PUM3: variants seen among roughly 807,000 people sequenced by gnomAD.
The protein encoded by PUM3 is pumilio RNA binding family member 3, also known as pumilio homolog 3.
A neutral mutation model predicts 84.0 loss-of-function variants in PUM3; 91 were observed. The ratio of observed to expected loss-of-function variants is 1.08; its 90% CI spans 0.91 to 1.29. PUM3 has a LOEUF of 1.29. PUM3 is among the 50% of genes most tolerant of loss of function. The pLI is 0.00. For synonymous variants in PUM3, 321 were observed against 266.7 expected (o/e 1.20, Z -1.98); for missense variants, 1,067 against 767.5 (o/e 1.39, Z -4.61).
intron 13 of PUM3, among the ~76,000 whole-genome samples, chr9:2,812,982 T>G (rs1821402640): frequency 6.6e-6 from 1 of 152,192 alleles, no homozygotes; most frequent in African/African-American, 2.4e-5. Context: ...ATAAAGAAAC[T>G]CTGTTAAATC....
chr9:2,832,440 C>T (rs1377974776), intron 5 of PUM3, among the ~76,000 whole-genome samples: 1 of 152,114 alleles, frequency 6.6e-6, no homozygotes, highest in Non-Finnish European at 1.5e-5. Context: ...GTAAACGACA[C>T]AATGCATGTG....
At chr9:2,814,865 T>C (rs898854084) in intron 13 of PUM3, among the ~76,000 whole-genome samples, 3 of 152,208 alleles carry the variant, frequency 2.0e-5, no homozygotes, top group African/African-American at 7.2e-5. Flanking sequence ...ATGGCTACTC[T>C]ACACTTTTAG....
In PUM3 at chr9:2,838,407, C is replaced by T. The variant is rs757145705; in HGVS notation, c.82+19G>A. ...CCCAATTATAACAGCCAAACACCCA[C>T]ATGGGAAGCATATCTTACCACTATT... On this transcript the variant is annotated intron_variant, in intron 2 of 17. Transcript: ENST00000397885. 49 of 1,549,416 alleles carry T rather than the reference C, an allele frequency of 3.2e-5. No homozygotes were observed. Among genetic ancestry groups the T allele is most frequent in the Admixed American group, 1.0e-4 (6 of 59,872 alleles).
rs41272899 is a variant in PUM3, at chr9:2,844,056, G to T, written c.-22C>A. 1,197 of 157,506 alleles carry T rather than the reference G, an allele frequency of 7.6e-3. 9 individuals are homozygous for T. The highest frequency in any genetic ancestry group is 0.02 in the Middle Eastern group (6 of 302). 9.8% of individuals were successfully genotyped at this position (157,506 alleles called of 1,614,324 possible). A position where few individuals can be genotyped will look rare whatever the true frequency, so the allele number is the denominator to read the frequency against. Reference sequence around the variant, plus strand: ...CCTGCCACACTCACCGCACACGTGGGACCGAGACAGCTCGCGCAGCGGATC... The same window carrying T: ...CCTGCCACACTCACCGCACACGTGGTACCGAGACAGCTCGCGCAGCGGATC... On this transcript the variant is annotated 5_prime_UTR_variant, in exon 1 of 18. Transcript: ENST00000397885.
At chr9:2,825,414 T>A (rs779508732) in intron 10 of PUM3, among the ~76,000 whole-genome samples, 3 of 152,174 alleles carry the variant, frequency 2.0e-5, no homozygotes, top group Non-Finnish European at 2.9e-5. Context: ...AACATTTAAT[T>A]TCTCACTAGG....
intron 15 of PUM3, 43 bp from the exon 16 acceptor site, chr9:2,810,474 T>C (rs1821343592): frequency 5.2e-6 from 7 of 1,339,464 alleles, no homozygotes; most frequent in South Asian, 1.2e-5. Context: ...GTTGTTTTCA[T>C]TCATACAAAT....
chr9:2,832,462 A>C (rs1199517878), intron 5 of PUM3, among the ~76,000 whole-genome samples: 1 of 152,168 alleles, frequency 6.6e-6, no homozygotes, highest in Non-Finnish European at 1.5e-5. Context: ...TGGTTAACAC[A>C]ATTCCTAGCC....
intron 15 of PUM3, among the ~76,000 whole-genome samples, chr9:2,810,703 A>C (rs1444852267): frequency 6.6e-6 from 1 of 152,230 alleles, no homozygotes; most frequent in African/African-American, 2.4e-5. Flanking sequence ...TGCTCTGAAC[A>C]GTAGCAGCAC....
chr9:2,818,034 A>T (rs935524797), intron 13 of PUM3, among the ~76,000 whole-genome samples: 3 of 152,222 alleles, frequency 2.0e-5, no homozygotes, highest in Non-Finnish European at 4.4e-5. Flanking sequence ...AGCTCAGCTG[A>T]CCAGGCTGTG....
chr9:2,842,748 C>T (rs1460007121), intron 1 of PUM3, among the ~76,000 whole-genome samples: 2 of 152,112 alleles, frequency 1.3e-5, no homozygotes, highest in Admixed American at 6.5e-5. Flanking sequence ...TATCTGATAC[C>T]TCTAATTATG....
At chr9:2,831,401 AATTT>A in intron 5 of PUM3, 57 bp from the exon 6 acceptor site, 1 of 1,102,262 alleles carries the variant, frequency 9.1e-7, no homozygotes, top group South Asian at 1.3e-5. Flanking sequence ...GTTTCTCACT[AATTT>A]ATTGTGACCT....
intron 9 of PUM3, among the ~76,000 whole-genome samples, chr9:2,827,621 C>T (rs1815858932): frequency 6.6e-6 from 1 of 152,184 alleles, no homozygotes; most frequent in Non-Finnish European, 1.5e-5. Flanking sequence ...TGCAACAACA[C>T]CTACTTAATC....
At chr9:2,811,804 A>G (rs1207494769) in intron 14 of PUM3, among the ~76,000 whole-genome samples, 1 of 151,758 alleles carries the variant, frequency 6.6e-6, no homozygotes, top group South Asian at 2.1e-4. Context: ...GGCACAGAAC[A>G]AGGGCTCAAT....
intron 5 of PUM3, among the ~76,000 whole-genome samples, chr9:2,832,755 G>A (rs1459049409): frequency 1.3e-5 from 2 of 152,112 alleles, no homozygotes; most frequent in African/African-American, 4.8e-5. Context: ...TTAGACCTAT[G>A]CATCTGACTT....
At position 2,837,231 on chromosome 9, in the gene PUM3, C is replaced by T; in HGVS notation, c.253G>A (p.Ala85Thr). The stretch of plus-strand genomic sequence containing the variant: ...TTTCTCTTCTTGTTGAATTTATTTG[C>T]CGGCTGGAATTTGTTCTTTGGTGAT... ...DKSPKNKFQP[A>T]NKFNKKRKFQ... The change falls in exon 3 of 18, where the codon GCA (alanine) becomes ACA (threonine). Residue 85 changes from alanine to threonine, a missense_variant. Coordinates refer to ENST00000397885, the MANE Select transcript of PUM3 (RefSeq NM_014878.5). 6.2e-7 allele frequency: 1 copy of T among 1,614,084 alleles called. No individual in the cohort carries two copies. The highest frequency in any genetic ancestry group is 1.1e-5 in the South Asian group (1 of 91,078).
rs1172707798 is a variant in PUM3 at position 2,804,317 on chromosome 9, T to C, written c.*14A>G. 6.2e-7 allele frequency: 1 copy of C among 1,611,226 alleles called. No individual in the cohort carries two copies. The highest frequency in any genetic ancestry group is 8.5e-7 in the Non-Finnish European group (1 of 1,179,216). On this transcript the variant is annotated 3_prime_UTR_variant, in exon 18 of 18. Coordinates refer to ENST00000397885, the MANE Select transcript of PUM3 (RefSeq NM_014878.5). ...CAGAAAAAATCATTCCATCTTGCTC[T>C]TAACTCTTTCCACCTATGTGCTCAG...
intron 13 of PUM3, among the ~76,000 whole-genome samples, chr9:2,814,106 A>C (rs1821421818): frequency 6.6e-6 from 1 of 152,290 alleles, no homozygotes. Context: ...AGGGAAAATG[A>C]ACTTAAAATT....
In PUM3 at chr9:2,823,790, C is replaced by G. The variant is rs1470336040; in HGVS notation, c.1179G>C (p.Lys393Asn). Residue 393 changes from lysine (K) to asparagine (N), a missense_variant, in exon 12 of 18, where the codon AAG (lysine) becomes AAC (asparagine). Physicochemically the swap from Lys to Asn is moderately conservative, Grantham distance 94 (BLOSUM62 0). Transcript: ENST00000397885. ...IVKTMKTYVE[K>N]VANGQYSHLV... Reference sequence around the variant, plus strand: ...GTTTTATTATACTTACATTAGCCACCTTTTCAACATAAGTCTTCATTGTTT... The same window carrying G: ...GTTTTATTATACTTACATTAGCCACGTTTTCAACATAAGTCTTCATTGTTT... 6.8e-7 allele frequency: 1 copy of G among 1,472,598 alleles called. No homozygotes were observed. The highest frequency in any genetic ancestry group is 1.4e-5 in the African/African-American group (1 of 71,448). The allele number at this position is 1,472,598 out of a possible 1,614,324, so 91.2% of individuals were successfully genotyped here.
chr9:2,835,893 C>T (rs891596023), intron 3 of PUM3, among the ~76,000 whole-genome samples: 21 of 151,954 alleles, frequency 1.4e-4, no homozygotes, highest in African/African-American at 4.1e-4. Context: ...TTCCTCATAT[C>T]AATGTGAGAA....
Sources: allele counts gnomAD v4.1 joint callset (sites outside exome capture counted in the v4.1 genomes callset), GRCh38; gene constraint gnomAD v4.1.1; transcripts MANE v1.5; gene names NCBI Gene and HGNC (gene_info 2026-07-23, HGNC 2026-07-21).